CAST: variants seen among roughly 807,000 people sequenced by gnomAD.
The protein encoded by CAST is calpastatin.
A neutral mutation model predicts 119.6 loss-of-function variants in CAST; 76 were observed. That is an observed-to-expected ratio of 0.64 (90% CI 0.53 to 0.77). The LOEUF is 0.77. Among genes scored for constraint, CAST ranks in the 30% least tolerant of loss-of-function variants. CAST has a pLI of 0.00. For missense variants in CAST, 953 were observed against 946.5 expected (o/e 1.01, Z -0.09); for synonymous variants, 319 against 331.6 (o/e 0.96, Z 0.41).
intron 18 of CAST, 43 bp downstream of exon 18, chr5:96,747,435 C>T (rs1764010306): frequency 4.9e-6 from 6 of 1,213,176 alleles, no homozygotes; most frequent in Non-Finnish European, 7.3e-6. Context: ...GAACAATAGA[C>T]ATGTAAAGTA....
chr5:96,076,922 A>G, the CAST span, among the ~76,000 whole-genome samples: 1 of 151,470 alleles, frequency 6.6e-6, no homozygotes, highest in Admixed American at 6.6e-5. Flanking sequence ...ATATTTTTGC[A>G]TAATAGTTTC....
chr5:96,325,204 A>AAAAAT, the CAST span, among the ~76,000 whole-genome samples: 5 of 152,210 alleles, frequency 3.3e-5, no homozygotes, highest in African/African-American at 9.6e-5. Context: ...AGCCTGTCTC[A>AAAAAT]AAAATAAAAT....
chr5:96,595,425 G>T (rs1747036866), intron 1 of CAST, among the ~76,000 whole-genome samples: 1 of 152,242 alleles, frequency 6.6e-6, no homozygotes, highest in Non-Finnish European at 1.5e-5. Context: ...TAGGGAAGCT[G>T]TGAATCAGCA....
At chr5:96,274,668 A>G in the CAST span, among the ~76,000 whole-genome samples, 4 of 152,238 alleles carry the variant, frequency 2.6e-5, no homozygotes, top group Non-Finnish European at 5.9e-5. Context: ...AACAATGAGA[A>G]GAGAGGAAGA....
the CAST span, chr5:95,961,451 C>A: frequency 8.2e-7 from 1 of 1,221,652 alleles, no homozygotes; most frequent in Non-Finnish European, 1.1e-6. Context: ...CCTGCCTGGC[C>A]GCTGCGGGCG....
chr5:96,123,213 T>C, the CAST span, among the ~76,000 whole-genome samples: 1 of 152,144 alleles, frequency 6.6e-6, no homozygotes. Flanking sequence ...TTTCTTGAAT[T>C]TGAATGACTT....
the CAST span, among the ~76,000 whole-genome samples, chr5:96,061,375 A>T: frequency 6.6e-6 from 1 of 152,086 alleles, no homozygotes; most frequent in African/African-American, 2.4e-5. Context: ...CAACAATCAA[A>T]TATAAATAAA....
At chr5:96,294,698 A>G in the CAST span, among the ~76,000 whole-genome samples, 1 of 152,258 alleles carries the variant, frequency 6.6e-6, no homozygotes, top group South Asian at 2.1e-4. Flanking sequence ...ATTTAAAACA[A>G]CTAAGTCACC....
At chr5:95,981,740 TG>T in the CAST span, among the ~76,000 whole-genome samples, 3 of 152,126 alleles carry the variant, frequency 2.0e-5, no homozygotes, top group African/African-American at 7.2e-5. Flanking sequence ...CTGGGCATGG[TG>T]GCATGCGCCG....
chr5:96,395,552 A>G, the CAST span, among the ~76,000 whole-genome samples: 3 of 152,212 alleles, frequency 2.0e-5, no homozygotes, highest in South Asian at 6.2e-4. Context: ...ACAGAAAACC[A>G]AACACTGAAT....
chr5:96,647,215 G>A lies in CAST; in HGVS notation c.61-28324G>A, dbSNP rs114532958. On this transcript the variant is annotated intron_variant, in intron 1 of 11. Coordinates refer to the CAST transcript ENST00000505143. ...ATTTTCCACACCTGCAGTCTCAACC[G>A]GAGTCCTTAGGTTTCGGTATATCGT... Among the ~76,000 whole-genome samples, 645 of 152,178 alleles carry A rather than the reference G, an allele frequency of 4.2e-3. 5 individuals are homozygous for A. The highest frequency in any genetic ancestry group is 0.015 in the African/African-American group (629 of 41,496).
chr5:96,068,229 T>C, the CAST span, among the ~76,000 whole-genome samples: 109 of 152,236 alleles, frequency 7.2e-4, no homozygotes, highest in African/African-American at 2.6e-3. Context: ...TTCTTCACCA[T>C]TACCCTGTCT....
chr5:96,648,418 T>G (rs1221041832), intron 1 of CAST, among the ~76,000 whole-genome samples: 1 of 152,214 alleles, frequency 6.6e-6, no homozygotes, highest in Non-Finnish European at 1.5e-5. Flanking sequence ...TATATTTAAG[T>G]TTATATATTT....
At chr5:96,438,038 A>G in the CAST span, among the ~76,000 whole-genome samples, 1 of 152,138 alleles carries the variant, frequency 6.6e-6, no homozygotes, top group African/African-American at 2.4e-5. Flanking sequence ...GCAGATTGTT[A>G]TATCTTGCCT....
chr5:96,575,110 A>C (rs1248191290), intron 1 of CAST, among the ~76,000 whole-genome samples: 1 of 152,154 alleles, frequency 6.6e-6, no homozygotes, highest in Non-Finnish European at 1.5e-5. Context: ...AATTTTCAAG[A>C]TATAGATCCT....
upstream of CAST, among the ~76,000 whole-genome samples, chr5:96,525,915 G>A (rs1000279833): frequency 6.6e-6 from 1 of 152,312 alleles, no homozygotes; most frequent in South Asian, 2.1e-4. Context: ...TCTAGTGATA[G>A]TTCCTTCCAG....
upstream of CAST, among the ~76,000 whole-genome samples, chr5:96,660,113 T>C (rs1348610658): frequency 6.6e-6 from 1 of 152,208 alleles, no homozygotes; most frequent in Non-Finnish European, 1.5e-5. Context: ...AGCTGGTGAA[T>C]AGATTGATTA....
the CAST span, chr5:96,393,370 G>C: frequency 6.2e-7 from 1 of 1,613,758 alleles, no homozygotes; most frequent in Non-Finnish European, 8.5e-7. Context: ...TCTCTTGTGT[G>C]GGCTGCTCCT....
chr5:96,535,441 C>T (rs1297067222), intron 1 of CAST, among the ~76,000 whole-genome samples: 5 of 151,772 alleles, frequency 3.3e-5, no homozygotes. Context: ...AGTGAACAAA[C>T]AGCTTTTTAA....
Sources: allele counts gnomAD v4.1 joint callset (sites outside exome capture counted in the v4.1 genomes callset), GRCh38; gene constraint gnomAD v4.1.1; transcripts MANE v1.5; gene names NCBI Gene and HGNC (gene_info 2026-07-23, HGNC 2026-07-21).